AOPEP: variants seen among roughly 807,000 people sequenced by gnomAD.
The protein encoded by AOPEP is aminopeptidase O (putative).
AOPEP carries 77 observed loss-of-function variants against 98.1 expected under a neutral mutation model. The observed-to-expected ratio is 0.78, with a 90% CI of 0.65 to 0.95. The LOEUF (loss-of-function observed/expected upper bound fraction) is 0.95. AOPEP is among the 40% of genes least tolerant of loss of function. The probability of loss-of-function intolerance (pLI) is 0.00; values close to 1 mark genes in which losing one functional copy is unlikely to be tolerated. For synonymous variants in AOPEP, 346 were observed against 365.3 expected (o/e 0.95, Z 0.60); for missense variants, 1,024 against 1,024.7 (o/e 1.00, Z 0.01).
In AOPEP at chr9:94,800,921, A is replaced by G. The variant is rs965249241; in HGVS notation, c.1283A>G (p.His428Arg). Residue 428 changes from histidine (H) to arginine (R), a missense_variant, in exon 5 of 17, where the codon CAT (histidine) becomes CGT (arginine). His to Arg is a conservative substitution (Grantham distance 29). Coordinates refer to ENST00000375315, the MANE Select transcript of AOPEP (RefSeq NM_001193329.3). ...ATCCCTCCTTGCCTCTCAGCAGCAC[A>G]TTCTGTTCTGGGAGCACACCCGTTC... ...RLIPPCLSAAHSVLGAHPFSR... is the reference protein window; with the variant it reads ...RLIPPCLSAARSVLGAHPFSR... 2 of 1,614,024 alleles carry G rather than the reference A, an allele frequency of 1.2e-6. No individual in the cohort carries two copies. The highest frequency in any genetic ancestry group is 1.7e-6 in the Non-Finnish European group (2 of 1,180,018).
chr9:94,734,219 G>A (rs199569118), intron 1 of AOPEP, among the ~76,000 whole-genome samples: 2 of 152,300 alleles, frequency 1.3e-5, no homozygotes, highest in East Asian at 3.9e-4. Context: ...GGGGGAGCTT[G>A]TCTTGCTTTC....
intron 7 of AOPEP, chr9:94,931,777 A>G (rs1161171745): frequency 6.5e-7 from 1 of 1,550,178 alleles, no homozygotes; most frequent in Non-Finnish European, 8.7e-7. Flanking sequence ...ACTGTTCAAC[A>G]TGTTTGACCA....
chr9:95,130,061 T>C, the AOPEP span, among the ~76,000 whole-genome samples: 2 of 152,140 alleles, frequency 1.3e-5, no homozygotes, highest in African/African-American at 4.8e-5. Flanking sequence ...TCAGTGCCTG[T>C]TTTGGAAGAG....
intron 5 of AOPEP, among the ~76,000 whole-genome samples, chr9:94,879,133 G>A (rs938920934): frequency 6.6e-6 from 1 of 152,184 alleles, no homozygotes; most frequent in Admixed American, 6.5e-5. Flanking sequence ...AGCAGTTTAG[G>A]GAGGGTTGGA....
intron 5 of AOPEP, among the ~76,000 whole-genome samples, chr9:94,804,714 G>C (rs991120120): frequency 6.6e-6 from 1 of 152,220 alleles, no homozygotes; most frequent in South Asian, 2.1e-4. Context: ...AAGGGTGAAC[G>C]AGATAGAGGA....
At chr9:95,005,489 G>T in intron 12 of AOPEP, 53 bp from the exon 13 acceptor site, 1 of 1,508,116 alleles carries the variant, frequency 6.6e-7, no homozygotes. Flanking sequence ...GCTGGGGGAT[G>T]GCCGTCAGGA....
At chr9:95,066,223 CCTT>C (rs1387755166) in intron 14 of AOPEP, among the ~76,000 whole-genome samples, 11 of 152,176 alleles carry the variant, frequency 7.2e-5, no homozygotes, top group Admixed American at 7.2e-4. Context: ...CTCAGTACAT[CCTT>C]CTTAGGGTTT....
intron 5 of AOPEP, among the ~76,000 whole-genome samples, chr9:94,895,598 CTTTT>C (rs1056278704): frequency 1.3e-5 from 2 of 151,122 alleles, no homozygotes; most frequent in African/African-American, 4.9e-5. Flanking sequence ...TTTCTTTTTT[CTTTT>C]TTTTGAGACA....
chr9:94,842,255 G>T (rs906070854), intron 5 of AOPEP, among the ~76,000 whole-genome samples: 2 of 151,932 alleles, frequency 1.3e-5, no homozygotes, highest in Admixed American at 1.3e-4. Flanking sequence ...CCAGCTACTC[G>T]GGAGGCTGAG....
rs147484915 is a variant in AOPEP, at chr9:95,004,125, ATAAAGT to A, written c.1978-1027_1978-1022del. On this transcript the variant is annotated intron_variant, in intron 11 of 16. Coordinates refer to ENST00000375315, the MANE Select transcript of AOPEP (RefSeq NM_001193329.3). ...GACAGATTTTCTTTAAAGAAATGTG[ATAAAGT>A]TAAAGGGATGGTCAAGACCCAGCAA... 3.0e-3 allele frequency: 1,238 copies of A among 413,878 alleles called. 14 individuals carry two copies. Among genetic ancestry groups the A allele is most frequent in the African/African-American group, 0.023 (1,116 of 48,014 alleles). 25.6% of individuals were successfully genotyped at this position (413,878 alleles called of 1,614,324 possible). A position where few individuals can be genotyped will look rare whatever the true frequency, so the allele number is the denominator to read the frequency against.
intron 10 of AOPEP, among the ~76,000 whole-genome samples, chr9:94,969,569 G>A (rs930311856): frequency 6.6e-6 from 1 of 151,876 alleles, no homozygotes; most frequent in Admixed American, 6.6e-5. Flanking sequence ...CACCACGCCC[G>A]GCTAATTTTT....
rs371359526 is a variant in AOPEP, at chr9:94,857,899, G to A, written c.1364+56897G>A. On this transcript the variant is annotated intron_variant, in intron 5 of 16. Transcript: ENST00000375315. ...AGACATCATTTACGTTGGTTTTCAC[G>A]TAAGTGCTGGGCTTTGAAGCATTTT... is the stretch of plus-strand genomic sequence containing the variant. Among the ~76,000 whole-genome samples, 7 of 152,164 alleles carry A rather than the reference G, an allele frequency of 4.6e-5. No individual in the cohort carries two copies. The East Asian group carries it at 7.7e-4, about 17-fold the overall frequency.
At chr9:94,933,398 T>C in intron 7 of AOPEP, 1 of 985,472 alleles carries the variant, frequency 1.0e-6, no homozygotes, top group Non-Finnish European at 1.2e-6. Flanking sequence ...TTATGACTTC[T>C]CTTTTTTTCT....
intron 5 of AOPEP, among the ~76,000 whole-genome samples, chr9:94,810,998 C>T (rs1850452296): frequency 6.6e-6 from 1 of 152,202 alleles, no homozygotes; most frequent in Non-Finnish European, 1.5e-5. Context: ...CTCCTTTGAC[C>T]CCTCAGAGTC....
At chr9:95,144,836 G>C in the AOPEP span, among the ~76,000 whole-genome samples, 1 of 152,186 alleles carries the variant, frequency 6.6e-6, no homozygotes, top group African/African-American at 2.4e-5. Flanking sequence ...GGCACTGTAA[G>C]GAAAGAATCG....
intron 9 of AOPEP, among the ~76,000 whole-genome samples, chr9:94,965,180 G>A (rs1418232184): frequency 1.3e-5 from 2 of 152,106 alleles, no homozygotes; most frequent in Non-Finnish European, 2.9e-5. Context: ...ATTTTTCTCT[G>A]TATATCCACT....
At chr9:95,064,382 A>G (rs191893024) in intron 14 of AOPEP, among the ~76,000 whole-genome samples, 100 of 152,138 alleles carry the variant, frequency 6.6e-4, no homozygotes, top group Admixed American at 5.6e-3. Context: ...GCAACCTCCA[A>G]CTCCCAGGTT....
chr9:95,130,028 A>T, the AOPEP span, among the ~76,000 whole-genome samples: 1 of 152,300 alleles, frequency 6.6e-6, no homozygotes, highest in East Asian at 1.9e-4. Flanking sequence ...TCAACATGGA[A>T]TCAACACACA....
chr9:94,961,185 TC>T (rs1431771448), intron 9 of AOPEP, among the ~76,000 whole-genome samples: 3 of 152,170 alleles, frequency 2.0e-5, no homozygotes, highest in Admixed American at 1.3e-4. Flanking sequence ...ATCCTGCTTT[TC>T]CCCCTTTCTG....
Sources: allele counts gnomAD v4.1 joint callset (sites outside exome capture counted in the v4.1 genomes callset), GRCh38; gene constraint gnomAD v4.1.1; transcripts MANE v1.5; gene names NCBI Gene and HGNC (gene_info 2026-07-23, HGNC 2026-07-21).